GRB14: variants seen among roughly 807,000 people sequenced by gnomAD.
The protein encoded by GRB14 is growth factor receptor-bound protein 14.
A neutral mutation model predicts 69.1 loss-of-function variants in GRB14; 38 were observed. That is an observed-to-expected ratio of 0.55 (90% CI 0.42 to 0.72). The LOEUF (loss-of-function observed/expected upper bound fraction) is 0.72, where lower values mean the gene tolerates loss of function less well. GRB14 is among the 30% of genes least tolerant of loss of function. The probability of loss-of-function intolerance (pLI) is 0.00; values close to 1 mark genes in which losing one functional copy is unlikely to be tolerated. For synonymous variants in GRB14, 247 were observed against 241.3 expected (o/e 1.02, Z -0.22); for missense variants, 666 against 666.1 (o/e 1.00, Z 0.00).
intron 2 of GRB14, among the ~76,000 whole-genome samples, chr2:164,552,153 C>A (rs1553513029): frequency 6.6e-6 from 1 of 152,216 alleles, no homozygotes; most frequent in Non-Finnish European, 1.5e-5. Flanking sequence ...CCCCATGACC[C>A]AAACACCTCC....
At chr2:164,598,724 C>A (rs1482274844) in intron 2 of GRB14, among the ~76,000 whole-genome samples, 1 of 152,128 alleles carries the variant, frequency 6.6e-6, no homozygotes, top group Non-Finnish European at 1.5e-5. Flanking sequence ...AGATAAGAGT[C>A]CTAACAGTGA....
rs535385704 is a variant in GRB14 at position 164,545,271 on chromosome 2, G to A, written c.481+2389C>T. ...TGTGGCAGGCTGAACTATAGCCCCCGAAAGATAACCACATCTTAATTCCTA... is the reference window on the plus strand; with the variant it reads ...TGTGGCAGGCTGAACTATAGCCCCCAAAAGATAACCACATCTTAATTCCTA... On this transcript the variant is annotated intron_variant, in intron 3 of 13. Transcript: ENST00000263915. 5.3e-5 allele frequency among the ~76,000 whole-genome samples: 8 copies of A among 152,178 alleles called. No homozygotes were observed. The South Asian group carries it at 8.3e-4, about 16-fold the overall frequency.
intron 2 of GRB14, among the ~76,000 whole-genome samples, chr2:164,609,366 T>C (rs1305507281): frequency 6.6e-6 from 1 of 152,190 alleles, no homozygotes; most frequent in Admixed American, 6.5e-5. Flanking sequence ...AACTGGACCT[T>C]TGCTGTGGCT....
intron 2 of GRB14, chr2:164,573,673 C>T (rs1011757947): frequency 1.3e-5 from 20 of 1,586,182 alleles, no homozygotes; most frequent in Admixed American, 1.7e-5. Context: ...CAGTAGAAGC[C>T]AGAATCTTGA....
At chr2:164,500,738 C>G (rs1687027436) in intron 9 of GRB14, among the ~76,000 whole-genome samples, 1 of 152,110 alleles carries the variant, frequency 6.6e-6, no homozygotes. Context: ...CTGCTATTCC[C>G]AACCAAACTC....
chr2:164,521,645 C>A (rs1381505870), intron 6 of GRB14, among the ~76,000 whole-genome samples: 1 of 151,886 alleles, frequency 6.6e-6, no homozygotes, highest in Non-Finnish European at 1.5e-5. Flanking sequence ...AGCAGTATGA[C>A]CTGGGGTAAA....
intron 2 of GRB14, among the ~76,000 whole-genome samples, chr2:164,577,389 A>G (rs1420222715): frequency 1.2e-4 from 19 of 152,222 alleles, no homozygotes; most frequent in Non-Finnish European, 1.5e-5. Context: ...GGGATCTGGT[A>G]TGAACAGGGC....
chr2:164,499,640 G>A (rs552600095), intron 9 of GRB14, among the ~76,000 whole-genome samples: 1 of 152,206 alleles, frequency 6.6e-6, no homozygotes, highest in South Asian at 2.1e-4. Flanking sequence ...TTAATGGCAT[G>A]ACTTTCTTTC....
chr2:164,581,078 T>C (rs1260848110), intron 2 of GRB14, among the ~76,000 whole-genome samples: 2 of 152,300 alleles, frequency 1.3e-5, no homozygotes, highest in Middle Eastern at 3.4e-3. Context: ...AGGAAATACA[T>C]TGTATTTCCA....
At chr2:164,582,106 T>C (rs1437723166) in intron 2 of GRB14, among the ~76,000 whole-genome samples, 1 of 152,210 alleles carries the variant, frequency 6.6e-6, no homozygotes, top group Non-Finnish European at 1.5e-5. Flanking sequence ...TAGACTCATA[T>C]ATTTAATTGG....
At chr2:164,533,221 A>ATT (rs1687993852) in intron 3 of GRB14, among the ~76,000 whole-genome samples, 1 of 125,844 alleles carries the variant, frequency 7.9e-6, no homozygotes. Context: ...GTTGTTTCCA[A>ATT]TTCTTTTTTT....
At chr2:164,521,159 T>G (rs1365144000) in intron 6 of GRB14, among the ~76,000 whole-genome samples, 1 of 151,846 alleles carries the variant, frequency 6.6e-6, no homozygotes, top group African/African-American at 2.4e-5. Flanking sequence ...GACAGACAGA[T>G]AGATAGACAG....
At chr2:164,505,453 C>A (rs1463392745) in intron 8 of GRB14, among the ~76,000 whole-genome samples, 1 of 152,090 alleles carries the variant, frequency 6.6e-6, no homozygotes, top group Non-Finnish European at 1.5e-5. Context: ...TTGGTGGGAT[C>A]AAGAAATCAC....
chr2:164,593,220 C>T (rs1459089986), intron 2 of GRB14, among the ~76,000 whole-genome samples: 2 of 151,926 alleles, frequency 1.3e-5, no homozygotes, highest in Non-Finnish European at 2.9e-5. Context: ...GGAGGTGACA[C>T]GTGCTGATAA....
At chr2:164,498,805 C>T (rs1686973628) in intron 9 of GRB14, among the ~76,000 whole-genome samples, 1 of 152,174 alleles carries the variant, frequency 6.6e-6, no homozygotes, top group African/African-American at 2.4e-5. Context: ...ACATATCCCA[C>T]TTTATTAGCA....
intron 6 of GRB14, among the ~76,000 whole-genome samples, chr2:164,512,988 T>C (rs966121653): frequency 1.3e-5 from 2 of 152,244 alleles, no homozygotes. Context: ...TATTTCTTAA[T>C]TTTCTTTTAT....
At chr2:164,524,373 A>G (rs1433859869) in intron 5 of GRB14, among the ~76,000 whole-genome samples, 2 of 152,146 alleles carry the variant, frequency 1.3e-5, no homozygotes, top group Non-Finnish European at 2.9e-5. Flanking sequence ...TATTGTAATG[A>G]CAATGTCTTT....
intron 5 of GRB14, among the ~76,000 whole-genome samples, chr2:164,523,376 C>T (rs1212459157): frequency 6.6e-6 from 1 of 151,340 alleles, no homozygotes; most frequent in African/African-American, 2.4e-5. Flanking sequence ...TTGTGCTCAG[C>T]ATCCTTAATA....
At chr2:164,568,454 G>T in intron 2 of GRB14, 1 of 1,220,490 alleles carries the variant, frequency 8.2e-7, no homozygotes, top group Non-Finnish European at 1.1e-6. Flanking sequence ...TACTCCTTGG[G>T]AATCTCAGGG....
Sources: allele counts gnomAD v4.1 joint callset (sites outside exome capture counted in the v4.1 genomes callset), GRCh38; gene constraint gnomAD v4.1.1; transcripts MANE v1.5; gene names NCBI Gene and HGNC (gene_info 2026-07-23, HGNC 2026-07-21).